SLC26A5: variants seen among roughly 807,000 people sequenced by gnomAD.
SLC26A5 encodes the protein solute carrier family 26 member 5.
A neutral mutation model predicts 81.0 loss-of-function variants in SLC26A5; 51 were observed. The observed-to-expected ratio is 0.63, with a 90% confidence interval of 0.50 to 0.80. The LOEUF (loss-of-function observed/expected upper bound fraction) is 0.80. Ranked by LOEUF, SLC26A5 falls within the 30% of genes least tolerant of loss-of-function variation. The pLI, the probability that SLC26A5 is intolerant of heterozygous loss-of-function variation, is 0.00. For missense variants in SLC26A5, 771 were observed against 905.8 expected, an observed-to-expected ratio of 0.85 and a Z score of 1.91; for synonymous variants, 325 against 332.8, an observed-to-expected ratio of 0.98 and a Z score of 0.25.
chr7:103,358,376 T>C (rs1820163994), intron 19 of SLC26A5, among the ~76,000 whole-genome samples: 1 of 152,198 alleles, frequency 6.6e-6, no homozygotes, highest in African/African-American at 2.4e-5. Context: ...AGGCAAATCT[T>C]CTTGAAACTA....
intron 19 of SLC26A5, among the ~76,000 whole-genome samples, chr7:103,366,420 G>C (rs1820723001): frequency 6.6e-6 from 1 of 152,206 alleles, no homozygotes; most frequent in African/African-American, 2.4e-5. Context: ...AAATGTTTGA[G>C]AAGTGTTTTG....
chr7:103,438,706 A>T (rs755327822), intron 2 of SLC26A5, among the ~76,000 whole-genome samples: 4 of 152,286 alleles, frequency 2.6e-5, no homozygotes, highest in Admixed American at 6.5e-5. Context: ...ATATGGTTTA[A>T]TGAGTTTACT....
intron 8 of SLC26A5, among the ~76,000 whole-genome samples, chr7:103,398,443 A>C (rs1823322975): frequency 6.6e-6 from 1 of 152,180 alleles, no homozygotes. Context: ...CTGGATTTAG[A>C]ATCCTCCTGG....
At chr7:103,394,038 A>C (rs533012043) in intron 9 of SLC26A5, among the ~76,000 whole-genome samples, 6 of 152,220 alleles carry the variant, frequency 3.9e-5, no homozygotes, top group African/African-American at 1.4e-4. Flanking sequence ...GAGGTATAGC[A>C]AGGTTCAGCA....
chr7:103,424,534 A>C (rs1825584638), intron 2 of SLC26A5, among the ~76,000 whole-genome samples: 1 of 152,040 alleles, frequency 6.6e-6, no homozygotes, highest in Non-Finnish European at 1.5e-5. Flanking sequence ...TTGAACTTTT[A>C]TTATTTTTTG....
At chr7:103,387,071 G>A (rs1414172933) in intron 14 of SLC26A5, among the ~76,000 whole-genome samples, 4 of 152,124 alleles carry the variant, frequency 2.6e-5, no homozygotes, top group African/African-American at 9.7e-5. Flanking sequence ...AAAAGTTATA[G>A]ATATTTTAAA....
intron 19 of SLC26A5, among the ~76,000 whole-genome samples, chr7:103,366,593 C>T (rs540015414): frequency 5.6e-4 from 85 of 152,286 alleles, no homozygotes; most frequent in African/African-American, 2.0e-3. Flanking sequence ...TTTGCATTTG[C>T]AAATTTGGGA....
At chr7:103,428,605 C>G (rs1220544338) in intron 2 of SLC26A5, among the ~76,000 whole-genome samples, 1 of 148,146 alleles carries the variant, frequency 6.8e-6, no homozygotes, top group Non-Finnish European at 1.5e-5. Context: ...TCTTGTTGCC[C>G]AGGCTGTAGT....
intron 4 of SLC26A5, among the ~76,000 whole-genome samples, chr7:103,417,231 G>T (rs959499422): frequency 3.4e-4 from 52 of 151,934 alleles, no homozygotes; most frequent in African/African-American, 1.2e-3. Context: ...TTAGCTGGGC[G>T]TGGTGGCACG....
At chr7:103,395,065 A>G (rs1218764777) in intron 9 of SLC26A5, among the ~76,000 whole-genome samples, 2 of 152,220 alleles carry the variant, frequency 1.3e-5, no homozygotes, top group African/African-American at 4.8e-5. Flanking sequence ...ACCTGCAGAC[A>G]TCTGCAGATG....
intron 8 of SLC26A5, among the ~76,000 whole-genome samples, chr7:103,399,342 C>CA (rs1232810127): frequency 1.3e-5 from 2 of 152,140 alleles, no homozygotes; most frequent in African/African-American, 4.8e-5. Flanking sequence ...TACTCCAAGT[C>CA]AAAATGGGAA....
At chr7:103,385,460 T>C (rs751914383) in intron 14 of SLC26A5, among the ~76,000 whole-genome samples, 1 of 151,664 alleles carries the variant, frequency 6.6e-6, no homozygotes, top group Non-Finnish European at 1.5e-5. Flanking sequence ...TGAGGGAAAA[T>C]GAGTGTTTCA....
intron 14 of SLC26A5, among the ~76,000 whole-genome samples, chr7:103,385,250 C>T (rs1256738688): frequency 6.6e-6 from 1 of 152,056 alleles, no homozygotes; most frequent in Non-Finnish European, 1.5e-5. Flanking sequence ...CAAGCTCCGC[C>T]TCCCCGGGTT....
At chr7:103,411,316 TGGCTGACC>T in intron 6 of SLC26A5, 96 bp downstream of exon 6, 1 of 1,385,308 alleles carries the variant, frequency 7.2e-7, no homozygotes, top group South Asian at 1.3e-5. Context: ...GGGGTTTTTC[TGGCTGACC>T]CCATCCACCG....
intron 9 of SLC26A5, among the ~76,000 whole-genome samples, chr7:103,393,548 C>T (rs1822844591): frequency 7.1e-6 from 1 of 141,038 alleles, no homozygotes; most frequent in African/African-American, 2.6e-5. Context: ...TGTAAGGACT[C>T]TGAGTGTGCT....
chr7:103,429,988 A>G (rs575541789), intron 2 of SLC26A5, among the ~76,000 whole-genome samples: 2 of 152,308 alleles, frequency 1.3e-5, no homozygotes, highest in South Asian at 4.1e-4. Context: ...TTCCTCTGCC[A>G]AAGGACTCTT....
intron 7 of SLC26A5, 151 bp downstream of exon 7, chr7:103,410,233 CA>C: frequency 1.4e-6 from 1 of 708,106 alleles, no homozygotes; most frequent in East Asian, 2.7e-5. Flanking sequence ...ACACTCTTTT[CA>C]GAAAACCTTA....
At position 103,390,503 on chromosome 7, in the gene SLC26A5, C is replaced by A. The variant is rs759769294; in HGVS notation, c.1237G>T (p.Ala413Ser). Residue 413 changes from alanine to serine, a missense_variant, in exon 12 of 20, where the codon GCA becomes TCA. Coordinates refer to ENST00000306312, the MANE Select transcript of SLC26A5 (RefSeq NM_198999.3). ...QEGTGGKTQL[A>S]GCLASLMILL... ...ATCATTAATGAGGCCAAACAACCTG[C>A]AAGCTGAATGAGAGAAGACACATGG... The A allele has an allele frequency of 4.3e-6, 7 of 1,613,964 alleles. No individual in the cohort carries two copies. The South Asian group carries it at 7.7e-5, about 18-fold the overall frequency.
intron 8 of SLC26A5, among the ~76,000 whole-genome samples, chr7:103,406,340 G>A (rs1824048747): frequency 6.6e-6 from 1 of 152,156 alleles, no homozygotes; most frequent in African/African-American, 2.4e-5. Flanking sequence ...CCTAGTCTGT[G>A]GGTTGTGAAG....
Sources: allele counts gnomAD v4.1 joint callset (sites outside exome capture counted in the v4.1 genomes callset), GRCh38; gene constraint gnomAD v4.1.1; transcripts MANE v1.5; gene names NCBI Gene and HGNC (gene_info 2026-07-23, HGNC 2026-07-21).